TADA2A: variants seen among roughly 807,000 people sequenced by gnomAD.
TADA2A encodes the protein transcriptional adaptor 2A, also known as transcriptional adapter 2-alpha.
In TADA2A, 38 loss-of-function variants were observed where a neutral mutation model predicts 67.4. The observed-to-expected ratio is 0.56, with a 90% CI of 0.44 to 0.74. The LOEUF (loss-of-function observed/expected upper bound fraction) is 0.74. Among genes scored for constraint, TADA2A ranks in the 30% least tolerant of loss-of-function variants. The probability of loss-of-function intolerance (pLI) is 0.00; values close to 1 mark genes in which losing one functional copy is unlikely to be tolerated. For synonymous variants in TADA2A, 192 were observed against 181.6 expected, an observed-to-expected ratio of 1.06 and a Z score of -0.46; for missense variants, 454 against 547.0, an observed-to-expected ratio of 0.83 and a Z score of 1.70.
At chr17:37,408,838 A>G (rs578121587) in intron 1 of TADA2A, among the ~76,000 whole-genome samples, 30 of 152,048 alleles carry the variant, frequency 2.0e-4, no homozygotes, top group Non-Finnish European at 4.0e-4. Flanking sequence ...GACCTACCCC[A>G]CCCCAAAAAG....
At chr17:37,424,905 A>T (rs2052358950) in intron 3 of TADA2A, among the ~76,000 whole-genome samples, 1 of 151,706 alleles carries the variant, frequency 6.6e-6, no homozygotes, top group Non-Finnish European at 1.5e-5. Flanking sequence ...TCTATCACCC[A>T]GGCTGGAGTG....
Position 37,421,172 on chromosome 17 carries a change from A to C in TADA2A, c.26-2337A>C. ...CACTTTGGGAAGCTGAGGCAGGAGG[A>C]CTTCTTAAGACCAGTGTGGGCAACA... On this transcript the variant is annotated intron_variant, in intron 2 of 15. Coordinates refer to ENST00000615182, the MANE Select transcript of TADA2A (RefSeq NM_001166105.3). Among the ~76,000 whole-genome samples, 2 of 146,292 alleles carry C rather than the reference A, an allele frequency of 1.4e-5. 1 individual carries two copies. Among genetic ancestry groups the C allele is most frequent in the Non-Finnish European group, 3.0e-5 (2 of 65,588 alleles).
rs9916131 is a variant in TADA2A at position 37,476,048 on chromosome 17, T to C, written c.1147-749T>C. 7.1e-3 allele frequency among the ~76,000 whole-genome samples: 1,075 copies of C among 152,186 alleles called. 16 individuals carry two copies. The highest frequency in any genetic ancestry group is 0.025 in the African/African-American group (1,025 of 41,506). On this transcript the variant is annotated intron_variant, in intron 15 of 15. Coordinates refer to ENST00000615182, the MANE Select transcript of TADA2A (RefSeq NM_001166105.3). ...GGAAGGGTCATAGTGTAGGGGATAG[T>C]GTTAGTCTTATTTTATCCACCAGGA... is the stretch of plus-strand genomic sequence containing the variant.
chr17:37,411,133 A>G (rs2051853016), intron 1 of TADA2A, 136 bp from the exon 2 acceptor site: 3 of 580,816 alleles, frequency 5.2e-6, no homozygotes, highest in Non-Finnish European at 9.2e-6. Flanking sequence ...AGGAAGAAAC[A>G]GGTTTTCAGA....
chr17:37,420,390 G>C (rs924828547), intron 2 of TADA2A, among the ~76,000 whole-genome samples: 1 of 142,442 alleles, frequency 7.0e-6, no homozygotes, highest in African/African-American at 2.5e-5. Flanking sequence ...ATTTTCTTCT[G>C]TGTCTTTTTT....
chr17:37,414,346 G>A (rs957839167), intron 2 of TADA2A, among the ~76,000 whole-genome samples: 14 of 151,642 alleles, frequency 9.2e-5, no homozygotes, highest in East Asian at 3.9e-4. Flanking sequence ...TCCTTATAGC[G>A]TACTCTCATC....
At chr17:37,467,665 T>A in intron 12 of TADA2A, 140 bp downstream of exon 12, 1 of 682,376 alleles carries the variant, frequency 1.5e-6, no homozygotes, top group Non-Finnish European at 2.4e-6. Flanking sequence ...TCCAGTAAAG[T>A]TTTGGCTATT....
At chr17:37,440,978 C>T (rs892115311) in intron 6 of TADA2A, among the ~76,000 whole-genome samples, 4 of 152,076 alleles carry the variant, frequency 2.6e-5, no homozygotes, top group African/African-American at 9.7e-5. Flanking sequence ...ACCTGTAATC[C>T]CAGCTACTGG....
At position 37,411,388 on chromosome 17, in the gene TADA2A, G is replaced by A. The variant is rs1386674507; in HGVS notation, c.23G>A (p.Ser8Asn). MDRLGSF[S>N]NDPSDKPPCR... ...GGAATGGACCGTTTGGGTTCCTTTA[G>A]CAGTAAGTACAGTGGGAACAAGTCT... is the stretch of plus-strand genomic sequence containing the variant. Residue 8 changes from serine (S) to asparagine (N), a missense_variant and splice_region_variant, in exon 2 of 16, where the codon AGC becomes AAC. Transcript: ENST00000615182. 6.2e-7 allele frequency: 1 copy of A among 1,613,510 alleles called. No homozygotes were observed. The highest frequency in any genetic ancestry group is 2.2e-5 in the East Asian group (1 of 44,882).
chr17:37,458,713 G>C (rs2053468874), intron 9 of TADA2A, 126 bp downstream of exon 9: 1 of 730,652 alleles, frequency 1.4e-6, no homozygotes, highest in African/African-American at 1.8e-5. Flanking sequence ...GTCTCACTCT[G>C]TTGCCCAGGC....
chr17:37,432,303 T>G (rs1405646284), intron 4 of TADA2A, among the ~76,000 whole-genome samples: 1 of 152,126 alleles, frequency 6.6e-6, no homozygotes, highest in Non-Finnish European at 1.5e-5. Flanking sequence ...TAGCTGGGAT[T>G]ATTATAGGCG....
chr17:37,429,029 G>C (rs2052491590), intron 4 of TADA2A, among the ~76,000 whole-genome samples: 1 of 141,844 alleles, frequency 7.1e-6, no homozygotes, highest in Non-Finnish European at 1.5e-5. Flanking sequence ...CTGGGCAACA[G>C]AGTGAGACTC....
intron 9 of TADA2A, 176 bp from the exon 10 acceptor site, chr17:37,461,902 T>A (rs966436620): frequency 1.1e-5 from 6 of 537,414 alleles, no homozygotes; most frequent in Non-Finnish European, 2.0e-5. Context: ...TGCCTGAGAG[T>A]CTAAAATTGG....
chr17:37,465,350 A>T, intron 10 of TADA2A, 81 bp from the exon 11 acceptor site: 1 of 1,063,350 alleles, frequency 9.4e-7, no homozygotes, highest in Non-Finnish European at 1.4e-6. Context: ...CCATTTTACT[A>T]ATTGTAAAAA....
intron 8 of TADA2A, among the ~76,000 whole-genome samples, chr17:37,450,881 A>C (rs998492592): frequency 6.6e-6 from 1 of 152,176 alleles, no homozygotes; most frequent in Non-Finnish European, 1.5e-5. Context: ...TTCAAATATG[A>C]ATTTTTATCT....
chr17:37,445,066 T>G (rs187189042), intron 8 of TADA2A, among the ~76,000 whole-genome samples: 1 of 152,326 alleles, frequency 6.6e-6, no homozygotes, highest in East Asian at 1.9e-4. Context: ...TGGCCCTCAC[T>G]TGCATTCTTA....
rs1317245864 is a variant in TADA2A, at chr17:37,478,768, C to G, written c.*1786C>G. ...AAAATACTGTGTGCTTTGTTGGAAG[C>G]ATCTGCTCAAACTTTTGACTGTTGT... On this transcript the variant is annotated 3_prime_UTR_variant, in exon 16 of 16. Coordinates refer to ENST00000615182, the MANE Select transcript of TADA2A (RefSeq NM_001166105.3). 6.6e-6 allele frequency: 1 copy of G among 152,178 alleles called. No individual in the cohort carries two copies. The highest frequency in any genetic ancestry group is 1.5e-5 in the Non-Finnish European group (1 of 68,034). 9.4% of individuals were successfully genotyped at this position (152,178 alleles called of 1,614,324 possible). A position where few individuals can be genotyped will look rare whatever the true frequency, so the allele number is the denominator to read the frequency against.
chr17:37,464,182 C>T (rs1448947632), intron 10 of TADA2A, among the ~76,000 whole-genome samples: 1 of 152,080 alleles, frequency 6.6e-6, no homozygotes, highest in African/African-American at 2.4e-5. Context: ...AGTAGTGATC[C>T]CCAGAGTTGC....
Position 37,465,297 on chromosome 17 carries a change from G to A in TADA2A, c.713-134G>A. On this transcript the variant is annotated intron_variant, in intron 10 of 15. Coordinates refer to ENST00000615182, the MANE Select transcript of TADA2A (RefSeq NM_001166105.3). ...TTCTTGGCTTTCCTGTTTGCTTCCT[G>A]TCATGGATAAGTTAGTCATATGAGG... 4.6e-6 allele frequency: 3 copies of A among 657,882 alleles called. No homozygotes were observed. The South Asian group carries it at 6.3e-5, about 14-fold the overall frequency. The allele number at this position is 657,882 out of a possible 1,614,324, so 40.8% of individuals were successfully genotyped here. A position where few individuals can be genotyped will look rare whatever the true frequency, so the allele number is the denominator to read the frequency against.
Sources: gnomAD v4.1 joint callset for allele counts (sites outside exome capture counted in the v4.1 genomes callset) on GRCh38, gnomAD v4.1.1 for gene constraint, MANE v1.5 for transcripts, NCBI Gene and HGNC (gene_info 2026-07-23, HGNC 2026-07-21) for gene names.